The following POU2AF1 variants were observed in gnomAD, a reference collection of about 807,000 sequenced individuals.
POU2AF1 encodes the protein POU domain class 2-associating factor 1.
Under a neutral mutation model 26.3 loss-of-function variants are expected in POU2AF1, and 12 were observed. The observed-to-expected ratio is 0.46, with a 90% CI of 0.29 to 0.74. The LOEUF is 0.74. Ranked by LOEUF, POU2AF1 falls within the 30% of genes least tolerant of loss-of-function variation. The pLI is 0.09. For missense variants in POU2AF1, 297 were observed against 334.5 expected (o/e 0.89, Z 0.87); for synonymous variants, 175 against 148.0 (o/e 1.18, Z -1.32).
chr11:111,365,965 T>C (rs1359946085), intron 1 of POU2AF1, among the ~76,000 whole-genome samples: 1 of 152,250 alleles, frequency 6.6e-6, no homozygotes, highest in Non-Finnish European at 1.5e-5. Context: ...TAAAGGATTA[T>C]TCACATCTTT....
At chr11:111,373,626 G>A (rs1331504902) in intron 1 of POU2AF1, among the ~76,000 whole-genome samples, 1 of 152,184 alleles carries the variant, frequency 6.6e-6, no homozygotes, top group Non-Finnish European at 1.5e-5. Flanking sequence ...AGGAAAATTA[G>A]CCAGGAAAAG....
intron 1 of POU2AF1, among the ~76,000 whole-genome samples, chr11:111,370,823 A>C (rs1219020764): frequency 6.6e-6 from 1 of 152,162 alleles, no homozygotes; most frequent in Non-Finnish European, 1.5e-5. Context: ...ATCCAAACCC[A>C]ATGCTATATG....
chr11:111,379,245 G>C lies in POU2AF1; in HGVS notation c.-68C>G. ...TTTGGCTTCTTTAATGTGAGACCGG[G>C]GTGTGTTTTCCTCCAGTGGAGCCAC... On this transcript the variant is annotated 5_prime_UTR_variant, in exon 1 of 5. Transcript: ENST00000393067. 1 of 1,603,554 alleles carries C rather than the reference G, an allele frequency of 6.2e-7. No homozygotes were observed. The highest frequency in any genetic ancestry group is 1.1e-5 in the South Asian group (1 of 90,856).
intron 4 of POU2AF1, among the ~76,000 whole-genome samples, chr11:111,356,330 G>A (rs1232297786): frequency 6.6e-6 from 1 of 152,160 alleles, no homozygotes; most frequent in Non-Finnish European, 1.5e-5. Context: ...CTCCAAAATT[G>A]GTTTGCTGGG....
Position 111,352,957 on chromosome 11 carries a change from A to AAGAG in POU2AF1, c.*1300_*1303dup, listed in dbSNP as rs1163864297. On this transcript the variant is annotated 3_prime_UTR_variant, in exon 5 of 5. Transcript: ENST00000393067. Reference sequence around the variant, plus strand: ...CAAAAAAAACCAAAAAAAAGAAAGAAAGAGAGAGGAAGGAAGGAAGGAAGG... The same window carrying AAGAG: ...CAAAAAAAACCAAAAAAAAGAAAGAAAGAGAGAGAGAGGAAGGAAGGAAGGAAGG... 1.2e-5 allele frequency: 2 copies of AAGAG among 160,618 alleles called. No homozygotes were observed. The highest frequency in any genetic ancestry group is 5.3e-5 in the African/African-American group (2 of 37,974). The allele number at this position is 160,618 out of a possible 1,614,324, so 9.9% of individuals were successfully genotyped here.
In POU2AF1 at chr11:111,367,345, T is replaced by C. The variant is rs139677087; in HGVS notation, c.17-8427A>G. Among the ~76,000 whole-genome samples, 327 of 152,210 alleles carry C rather than the reference T, an allele frequency of 2.1e-3. 4 individuals carry two copies. Among genetic ancestry groups the C allele is most frequent in the African/African-American group, 7.6e-3 (315 of 41,520 alleles). On this transcript the variant is annotated intron_variant, in intron 1 of 4. Transcript: ENST00000393067. ...CTTGGGAGCTCTGAAATCACCACAC[T>C]CCTATTTGCATGATGTTCCATAGAG...
chr11:111,379,042 ACCCCCTC>A, intron 1 of POU2AF1, 113 bp downstream of exon 1: 1 of 915,592 alleles, frequency 1.1e-6, no homozygotes, highest in Non-Finnish European at 1.6e-6. Context: ...TGGAACCCAG[ACCCCCTC>A]CCCCCGTGGC....
intron 1 of POU2AF1, among the ~76,000 whole-genome samples, chr11:111,374,613 T>C (rs1388980251): frequency 6.6e-6 from 1 of 152,212 alleles, no homozygotes; most frequent in East Asian, 1.9e-4. Context: ...GGAGAATCAC[T>C]TGAATTTGGA....
chr11:111,354,810 T>C (rs1177803660), intron 4 of POU2AF1, among the ~76,000 whole-genome samples: 1 of 152,166 alleles, frequency 6.6e-6, no homozygotes, highest in Non-Finnish European at 1.5e-5. Context: ...TCAGGCCACT[T>C]CCTGCTCAGA....
At chr11:111,374,806 C>T (rs2135140197) in intron 1 of POU2AF1, among the ~76,000 whole-genome samples, 1 of 152,248 alleles carries the variant, frequency 6.6e-6, no homozygotes, top group East Asian at 1.9e-4. Flanking sequence ...TAGAGGTTGT[C>T]CAGAAACCTA....
intron 1 of POU2AF1, among the ~76,000 whole-genome samples, chr11:111,370,967 T>C (rs946992298): frequency 4.6e-5 from 7 of 152,250 alleles, no homozygotes; most frequent in African/African-American, 1.7e-4. Flanking sequence ...CTGCATGGGA[T>C]GATGAATAGA....
In POU2AF1 at chr11:111,358,748, A is replaced by T. The variant is rs748108247; in HGVS notation, c.147+40T>A. 1.4e-4 allele frequency: 206 copies of T among 1,479,924 alleles called. 1 individual carries two copies. Among genetic ancestry groups the T allele is most frequent in the Middle Eastern group, 5.3e-4 (3 of 5,714 alleles). 91.7% of individuals were successfully genotyped at this position (1,479,924 alleles called of 1,614,324 possible). A position where few individuals can be genotyped will look rare whatever the true frequency, so the allele number is the denominator to read the frequency against. ...ATCCCTGACACACACATTCTCTTTC[A>T]CACACACACACTCACACTCTCACAC... On this transcript the variant is annotated intron_variant, in intron 2 of 4. Coordinates refer to ENST00000393067, the MANE Select transcript of POU2AF1 (RefSeq NM_006235.3).
rs1231829493 is a variant in POU2AF1, at chr11:111,354,462, G to A, written c.570C>T (p.Thr190=). The A allele has an allele frequency of 8.7e-6, 14 of 1,612,692 alleles. No homozygotes were observed. The highest frequency in any genetic ancestry group is 1.1e-5 in the Non-Finnish European group (13 of 1,179,524). ...CTGGGGCCGGAGGCTGGTACTGCAG[G>A]GTGGAGGTGGGTAGTGTGGAAAGGG... ...PQPLSTLPTS[T]LQYQPPAPAL... is the part of the protein sequence containing the mutation. Residue 190 remains threonine, a synonymous_variant, in exon 5 of 5, where the codon ACC becomes ACT. Transcript: ENST00000393067.
chr11:111,372,069 C>CAGAGAGAGAGAGAGAGAG (rs150182572), intron 1 of POU2AF1, among the ~76,000 whole-genome samples: 10 of 144,228 alleles, frequency 6.9e-5, no homozygotes, highest in African/African-American at 2.1e-4. Flanking sequence ...CACACACACA[C>CAGAGAGAGAGAGAGAGAG]AGAGAGAGAG....
At chr11:111,371,180 A>C (rs1377897706) in intron 1 of POU2AF1, among the ~76,000 whole-genome samples, 1 of 152,206 alleles carries the variant, frequency 6.6e-6, no homozygotes, top group African/African-American at 2.4e-5. Flanking sequence ...TTTCTAGTGC[A>C]TTAAAAAGTA....
rs1194048191 is a variant in POU2AF1, at chr11:111,358,712, ACT to A, written c.147+74_147+75del. ...CATACACATACTCACACACACATAC[ACT>A]CTCACACTATCCCTGACACACACAT... On this transcript the variant is annotated intron_variant, in intron 2 of 4. Coordinates refer to ENST00000393067, the MANE Select transcript of POU2AF1 (RefSeq NM_006235.3). 1.2e-5 allele frequency: 18 copies of A among 1,493,438 alleles called. 1 individual carries two copies. The highest frequency in any genetic ancestry group is 1.1e-4 in the South Asian group (9 of 82,798). 92.5% of individuals were successfully genotyped at this position (1,493,438 alleles called of 1,614,324 possible). A position where few individuals can be genotyped will look rare whatever the true frequency, so the allele number is the denominator to read the frequency against.
Position 111,358,768 on chromosome 11 carries a change from TCA to T in POU2AF1, c.147+18_147+19del, listed in dbSNP as rs752075913. The T allele has an allele frequency of 2.2e-5, 34 of 1,559,832 alleles. No homozygotes were observed. Among genetic ancestry groups the T allele is most frequent in the Middle Eastern group, 3.3e-4 (2 of 6,000 alleles). On this transcript the variant is annotated intron_variant, in intron 2 of 4. Transcript: ENST00000393067. ...CTTTCACACACACACACTCACACTC[TCA>T]CACACACAAACTCTCACCGCCGTAG...
chr11:111,362,955 C>G (rs1330386958), intron 1 of POU2AF1: 1 of 193,976 alleles, frequency 5.2e-6, no homozygotes, highest in African/African-American at 2.4e-5. Flanking sequence ...AGTGGACACA[C>G]CACACACTTG....
chr11:111,378,447 G>T (rs764937750), intron 1 of POU2AF1, among the ~76,000 whole-genome samples: 9 of 152,194 alleles, frequency 5.9e-5, no homozygotes, highest in Non-Finnish European at 1.2e-4. Flanking sequence ...TCAGTTATTA[G>T]TAAGGTAAGT....
Sources: allele counts gnomAD v4.1 joint callset (sites outside exome capture counted in the v4.1 genomes callset), GRCh38; gene constraint gnomAD v4.1.1; transcripts MANE v1.5; gene names NCBI Gene and HGNC (gene_info 2026-07-23, HGNC 2026-07-21).